The following EPHX2 variants were observed in gnomAD, a reference collection of about 807,000 sequenced individuals.
The protein encoded by EPHX2 is epoxide hydrolase 2, also known as bifunctional epoxide hydrolase 2.
In EPHX2, 74 loss-of-function variants were observed where a neutral mutation model predicts 78.7. The observed-to-expected ratio is 0.94, with a 90% CI of 0.78 to 1.14. EPHX2 has a LOEUF of 1.14. EPHX2 is among the 50% of genes most tolerant of loss of function. The probability of loss-of-function intolerance (pLI) is 0.00; values close to 1 mark genes in which losing one functional copy is unlikely to be tolerated. For missense variants in EPHX2, 715 were observed against 702.5 expected, an observed-to-expected ratio of 1.02 and a Z score of -0.20; for synonymous variants, 251 against 255.2, an observed-to-expected ratio of 0.98 and a Z score of 0.16.
At chr8:27,532,851 C>T (rs983216787) in intron 12 of EPHX2, among the ~76,000 whole-genome samples, 2 of 152,194 alleles carry the variant, frequency 1.3e-5, no homozygotes, top group South Asian at 2.1e-4. Flanking sequence ...TGCAGTGGCT[C>T]ACACCTATAA....
At chr8:27,501,324 T>TTTCTTCTTCTTCCTCTTCTTC in intron 2 of EPHX2, among the ~76,000 whole-genome samples, 1 of 103,012 alleles carries the variant, frequency 9.7e-6, no homozygotes, top group East Asian at 3.1e-4. Flanking sequence ...TGCTATATAT[T>TTTCTTCTTCTTCCTCTTCTTC]TTCTTCTTCT....
intron 2 of EPHX2, among the ~76,000 whole-genome samples, chr8:27,501,394 T>TTCTCCTTCTTCCTTCTTCC (rs376633107): frequency 1.4e-5 from 1 of 73,064 alleles, no homozygotes; most frequent in African/African-American, 4.2e-5. Flanking sequence ...CTTCTTCTTC[T>TTCTCCTTCTTCCTTCTTCC]TTCTTCTTTC....
chr8:27,512,292 A>G (rs917064847), intron 6 of EPHX2, among the ~76,000 whole-genome samples: 7 of 152,224 alleles, frequency 4.6e-5, no homozygotes, highest in Non-Finnish European at 8.8e-5. Context: ...ACAGCAGGCT[A>G]GGGAGCTTGG....
At chr8:27,492,818 G>T (rs1044302379) in intron 1 of EPHX2, 2 of 153,364 alleles carry the variant, frequency 1.3e-5, no homozygotes, top group Non-Finnish European at 2.9e-5. Context: ...TCTCTTGTAA[G>T]ACAGGAAAGT....
intron 5 of EPHX2, among the ~76,000 whole-genome samples, chr8:27,507,860 G>C (rs937728684): frequency 3.9e-5 from 6 of 152,112 alleles, no homozygotes; most frequent in African/African-American, 1.4e-4. Flanking sequence ...TTCCTCACTT[G>C]GTTTTTCCCT....
intron 10 of EPHX2, 38 bp from the exon 11 acceptor site, chr8:27,522,385 C>T: frequency 6.2e-7 from 1 of 1,605,822 alleles, no homozygotes; most frequent in Non-Finnish European, 8.5e-7. Flanking sequence ...GTTCCAGAAG[C>T]CTCCCCACAT....
intron 12 of EPHX2, among the ~76,000 whole-genome samples, chr8:27,535,920 C>T (rs185377740): frequency 6.6e-6 from 1 of 152,322 alleles, no homozygotes; most frequent in Non-Finnish European, 1.5e-5. Flanking sequence ...GGTTCTGGAG[C>T]CTATTTTGTA....
chr8:27,506,366 C>T (rs976844803), intron 4 of EPHX2, among the ~76,000 whole-genome samples: 4 of 152,136 alleles, frequency 2.6e-5, no homozygotes, highest in Admixed American at 1.3e-4. Flanking sequence ...CCATTTTATT[C>T]CCCCAAACAG....
chr8:27,494,758 A>T (rs1170339929), intron 1 of EPHX2, among the ~76,000 whole-genome samples: 2 of 152,166 alleles, frequency 1.3e-5, no homozygotes. Flanking sequence ...CCATTTGATG[A>T]GTGTTCTCAA....
chr8:27,509,659 G>A lies in EPHX2; in HGVS notation c.661-2177G>A, dbSNP rs550883664. ...CTCCCAAAGTGCGAGGTTTACAGGC[G>A]TGAGCCACCGTGCCTGGCCAAAATT... On this transcript the variant is annotated intron_variant, in intron 5 of 18. Transcript: ENST00000521400. Among the ~76,000 whole-genome samples, 16 of 152,222 alleles carry A rather than the reference G, an allele frequency of 1.1e-4. No individual in the cohort carries two copies. In the South Asian group the frequency reaches 2.1e-3, roughly 20 times the overall value.
At chr8:27,525,304 G>T in intron 11 of EPHX2, 58 bp from the exon 12 acceptor site, 1 of 1,520,878 alleles carries the variant, frequency 6.6e-7, no homozygotes, top group Non-Finnish European at 9.1e-7. Context: ...GTCCTTTCTG[G>T]CTCTTGTAAG....
chr8:27,532,145 G>T (rs1815066562), intron 12 of EPHX2, among the ~76,000 whole-genome samples: 1 of 152,032 alleles, frequency 6.6e-6, no homozygotes, highest in South Asian at 2.1e-4. Flanking sequence ...TTGCTCCTGG[G>T]GGTGGTGCCT....
rs770795931 is a variant in EPHX2 at position 27,541,469 on chromosome 8, C to T, written c.1380-4C>T. 3.5e-5 allele frequency: 57 copies of T among 1,614,208 alleles called. No homozygotes were observed. The highest frequency in any genetic ancestry group is 4.5e-5 in the Non-Finnish European group (53 of 1,180,004). On this transcript the variant is annotated splice_polypyrimidine_tract_variant and splice_region_variant and intron_variant, in intron 15 of 18. Coordinates refer to ENST00000521400, the MANE Select transcript of EPHX2 (RefSeq NM_001979.6). ...CCTCTTTTTACTTTCTGATCTCTCCCCAGAGGTCCTCTAAACTGGTACCGA... is the reference window on the plus strand; with the variant it reads ...CCTCTTTTTACTTTCTGATCTCTCCTCAGAGGTCCTCTAAACTGGTACCGA...
At position 27,491,207 on chromosome 8, in the gene EPHX2, C is replaced by G; in HGVS notation, c.-2C>G. On this transcript the variant is annotated 5_prime_UTR_variant, in exon 1 of 19. Coordinates refer to ENST00000521400, the MANE Select transcript of EPHX2 (RefSeq NM_001979.6). ...CGGGTGCTAGGCTGCAGACCCGCCG[C>G]CATGACGCTGCGCGCGGCCGTCTTC... 2 of 1,579,598 alleles carry G rather than the reference C, an allele frequency of 1.3e-6. No individual in the cohort carries two copies. Among genetic ancestry groups the G allele is most frequent in the Non-Finnish European group, 1.7e-6 (2 of 1,171,542 alleles).
At position 27,543,767 on chromosome 8, in the gene EPHX2, A is replaced by ATGG; in HGVS notation, c.1470_1472dup (p.Val491dup). The ATGG allele has an allele frequency of 1.9e-6, 3 of 1,613,978 alleles. No homozygotes were observed. The highest frequency in any genetic ancestry group is 2.5e-6 in the Non-Finnish European group (3 of 1,179,980). ...CCCCCAGATCCTGATTCCGGCCCTGATGGTCACGGCGGAGAAGGACTTCGT... is the reference window on the plus strand; with the variant it reads ...CCCCCAGATCCTGATTCCGGCCCTGATGGTGGTCACGGCGGAGAAGGACTTCGT... On this transcript the variant is annotated inframe_insertion, in exon 17 of 19. Transcript: ENST00000521400.
downstream of EPHX2, among the ~76,000 whole-genome samples, chr8:27,548,192 G>C (rs901470783): frequency 6.6e-6 from 1 of 152,192 alleles, no homozygotes; most frequent in East Asian, 1.9e-4. Context: ...AGGACAAAAA[G>C]CTATTTCTGT....
chr8:27,495,638 A>C (rs1026663230), intron 1 of EPHX2, among the ~76,000 whole-genome samples: 1 of 152,204 alleles, frequency 6.6e-6, no homozygotes, highest in African/African-American at 2.4e-5. Context: ...TTAGTAGTCC[A>C]GACAGTGAGA....
At chr8:27,497,285 G>A (rs1813606320) in intron 1 of EPHX2, among the ~76,000 whole-genome samples, 1 of 152,220 alleles carries the variant, frequency 6.6e-6, no homozygotes, top group African/African-American at 2.4e-5. Context: ...GTCCTCTGGG[G>A]CAGTGTGCCT....
intron 14 of EPHX2, among the ~76,000 whole-genome samples, chr8:27,540,302 G>T (rs1207375948): frequency 6.6e-6 from 1 of 152,164 alleles, no homozygotes; most frequent in East Asian, 1.9e-4. Flanking sequence ...TGGTCCAGGA[G>T]CTGTGATAAT....
Sources: allele counts gnomAD v4.1 joint callset (sites outside exome capture counted in the v4.1 genomes callset), GRCh38; gene constraint gnomAD v4.1.1; transcripts MANE v1.5; gene names NCBI Gene and HGNC (gene_info 2026-07-23, HGNC 2026-07-21).